Variants in RALGAPA2 observed in about 807,000 individuals in gnomAD.
RALGAPA2 encodes Ral GTPase activating protein catalytic subunit alpha 2.
RALGAPA2 carries 139 observed loss-of-function variants against 230.4 expected under a neutral mutation model. That is an observed-to-expected ratio of 0.60 (90% CI 0.53 to 0.69). The LOEUF (loss-of-function observed/expected upper bound fraction) is 0.69, where lower values mean the gene tolerates loss of function less well. Ranked by LOEUF, RALGAPA2 falls within the 30% of genes least tolerant of loss-of-function variation. The probability of loss-of-function intolerance (pLI) is 0.00; values close to 1 mark genes in which losing one functional copy is unlikely to be tolerated. For synonymous variants in RALGAPA2, 847 were observed against 837.8 expected (o/e 1.01, Z -0.19); for missense variants, 2,163 against 2,276.0 (o/e 0.95, Z 1.01).
intron 31 of RALGAPA2, 106 bp from the exon 32 acceptor site, chr20:20,513,390 T>C (rs983679767): frequency 1.7e-5 from 16 of 935,434 alleles, no homozygotes; most frequent in Middle Eastern, 4.8e-4. Context: ...ATATGGTAGA[T>C]TACAGGCTTT....
chr20:20,437,238 C>A lies in RALGAPA2; in HGVS notation c.5496-25090G>T, dbSNP rs949354171. Among the ~76,000 whole-genome samples the A allele has an allele frequency of 6.6e-6, 1 of 152,134 alleles. No homozygotes were observed. Among genetic ancestry groups the A allele is most frequent in the Admixed American group, 6.5e-5 (1 of 15,280 alleles). On this transcript the variant is annotated intron_variant, in intron 37 of 39. Coordinates refer to ENST00000202677, the MANE Select transcript of RALGAPA2 (RefSeq NM_020343.4). This position sits in a 1 kb window ranked among gnomAD's most constrained non-coding sequence, Gnocchi z 4.1. ...AAACCACTCTGAACGTCCTGAAGAC[C>A]GCCTGGTCACTGAGGCACACATGAC...
chr20:20,409,131 G>A (rs1445760231), intron 38 of RALGAPA2, among the ~76,000 whole-genome samples: 1 of 152,214 alleles, frequency 6.6e-6, no homozygotes, highest in Non-Finnish European at 1.5e-5. Flanking sequence ...GGCTTGTTGG[G>A]CGGATGGGTA....
intron 34 of RALGAPA2, 111 bp from the exon 35 acceptor site, chr20:20,503,617 T>C: frequency 1.2e-6 from 1 of 854,342 alleles, no homozygotes; most frequent in Non-Finnish European, 1.6e-6. Context: ...TTTATATCTT[T>C]CTTTCTGATT....
chr20:20,447,708 AGTG>A, intron 37 of RALGAPA2, among the ~76,000 whole-genome samples: 1 of 151,914 alleles, frequency 6.6e-6, no homozygotes, highest in Non-Finnish European at 1.5e-5. Context: ...TAAAATAAGG[AGTG>A]GAACTCATCT....
At chr20:20,462,331 G>A (rs2061321503) in intron 37 of RALGAPA2, among the ~76,000 whole-genome samples, 1 of 152,192 alleles carries the variant, frequency 6.6e-6, no homozygotes, top group South Asian at 2.1e-4. Context: ...TTCTCAAGTT[G>A]AATGTGTTAA....
At chr20:20,630,778 C>T (rs1343315876) in intron 9 of RALGAPA2, among the ~76,000 whole-genome samples, 3 of 152,160 alleles carry the variant, frequency 2.0e-5, no homozygotes, top group Non-Finnish European at 4.4e-5. Context: ...AGGCAACCCA[C>T]GCAACGCACT....
chr20:20,433,789 G>A (rs915721630), intron 37 of RALGAPA2, among the ~76,000 whole-genome samples: 2 of 152,060 alleles, frequency 1.3e-5, no homozygotes, highest in Non-Finnish European at 2.9e-5. Flanking sequence ...GAAGGACCAG[G>A]ATTAGCATCT....
intron 35 of RALGAPA2, among the ~76,000 whole-genome samples, chr20:20,501,834 T>C (rs2062385475): frequency 6.6e-6 from 1 of 152,154 alleles, no homozygotes; most frequent in East Asian, 1.9e-4. Context: ...AAGGGGTTAT[T>C]AATTGGCCTA....
At position 20,513,159 on chromosome 20, in the gene RALGAPA2, C is replaced by T. The variant is rs1326702918; in HGVS notation, c.4210G>A (p.Glu1404Lys). The change falls in exon 32 of 40, where the codon GAG (glutamate) becomes AAG (lysine). Residue 1404 changes from glutamate to lysine, a missense_variant. By Grantham distance (56) the Glu-to-Lys change is moderately conservative (BLOSUM62 1). Transcript: ENST00000202677. The part of the protein sequence containing the change: ...GPAILHSLVS[E>K]NHDNAHVEGS... Reference sequence around the variant, plus strand: ...TCCACATGGGCATTGTCATGGTTCTCGCTGACAAGGCTGTGCAGTATGGCA... The same window carrying T: ...TCCACATGGGCATTGTCATGGTTCTTGCTGACAAGGCTGTGCAGTATGGCA... The T allele has an allele frequency of 2.6e-6, 4 of 1,555,164 alleles. No individual in the cohort carries two copies. The highest frequency in any genetic ancestry group is 1.4e-5 in the African/African-American group (1 of 72,908).
intron 9 of RALGAPA2, among the ~76,000 whole-genome samples, chr20:20,634,717 G>C (rs1387629975): frequency 1.3e-5 from 2 of 152,172 alleles, no homozygotes; most frequent in Non-Finnish European, 2.9e-5. Flanking sequence ...AAACAAAAGA[G>C]CACACAACAC....
At chr20:20,595,232 G>C (rs2065416344) in intron 16 of RALGAPA2, among the ~76,000 whole-genome samples, 3 of 152,070 alleles carry the variant, frequency 2.0e-5, no homozygotes, top group African/African-American at 7.3e-5. Context: ...CATTTAGTAA[G>C]TGGAGTGAGG....
chr20:20,444,894 T>A (rs959004890), intron 37 of RALGAPA2, among the ~76,000 whole-genome samples: 4 of 152,354 alleles, frequency 2.6e-5, no homozygotes, highest in South Asian at 4.1e-4. Flanking sequence ...TGTCTGTCCT[T>A]TTGTCCAGCG....
At chr20:20,648,779 G>C (rs1027939624) in intron 4 of RALGAPA2, among the ~76,000 whole-genome samples, 1 of 152,114 alleles carries the variant, frequency 6.6e-6, no homozygotes, top group Non-Finnish European at 1.5e-5. Flanking sequence ...GCAACCAGGA[G>C]GTAGAAGATG....
intron 37 of RALGAPA2, among the ~76,000 whole-genome samples, chr20:20,440,505 C>G (rs73122473): frequency 0.04 from 6,110 of 152,278 alleles, 172 homozygotes; most frequent in Non-Finnish European, 0.062. Context: ...TTGGGCCAGT[C>G]TTATTTTCTT....
At chr20:20,407,859 G>A (rs1047350082) in intron 38 of RALGAPA2, among the ~76,000 whole-genome samples, 21 of 152,216 alleles carry the variant, frequency 1.4e-4, no homozygotes, top group Non-Finnish European at 1.0e-4. Context: ...AATGGCAGTG[G>A]CATCCTAAGA....
intron 23 of RALGAPA2, among the ~76,000 whole-genome samples, chr20:20,563,962 C>A (rs1260745686): frequency 2.0e-5 from 3 of 152,110 alleles, no homozygotes; most frequent in African/African-American, 7.2e-5. Flanking sequence ...GCCCTCATTA[C>A]CTTGCCCCTG....
At chr20:20,464,634 G>A (rs2061374697) in intron 37 of RALGAPA2, among the ~76,000 whole-genome samples, 2 of 152,090 alleles carry the variant, frequency 1.3e-5, no homozygotes, top group African/African-American at 2.4e-5. Context: ...AAGAAAATGG[G>A]ATCACTTCCT....
intron 14 of RALGAPA2, among the ~76,000 whole-genome samples, chr20:20,605,871 T>C (rs2146244299): frequency 6.6e-6 from 1 of 152,256 alleles, no homozygotes; most frequent in East Asian, 1.9e-4. Flanking sequence ...CCTCAACCTC[T>C]GCCCATGGAC....
intron 1 of RALGAPA2, among the ~76,000 whole-genome samples, chr20:20,708,059 G>A (rs1189661647): frequency 6.6e-6 from 1 of 151,940 alleles, no homozygotes; most frequent in Non-Finnish European, 1.5e-5. Context: ...TGTGCTGTAA[G>A]TATACAATAT....
Sources: allele counts gnomAD v4.1 joint callset (sites outside exome capture counted in the v4.1 genomes callset), GRCh38; gene constraint gnomAD v4.1.1; non-coding constraint Gnocchi (gnomAD v3.1); transcripts MANE v1.5; gene names NCBI Gene and HGNC (gene_info 2026-07-23, HGNC 2026-07-21).